ACP7: variants seen among roughly 807,000 people sequenced by gnomAD.
ACP7 encodes the protein acid phosphatase 7, tartrate resistant (putative).
ACP7 carries 58 observed loss-of-function variants against 60.6 expected under a neutral mutation model. That is an observed-to-expected ratio of 0.96 (90% CI 0.77 to 1.19). The LOEUF (loss-of-function observed/expected upper bound fraction) is 1.19, where lower values mean the gene tolerates loss of function less well. Ranked by LOEUF, ACP7 falls within the 50% of genes most tolerant of loss-of-function variation. The pLI is 0.00. For missense variants in ACP7, 574 were observed against 596.2 expected (o/e 0.96, Z 0.39); for synonymous variants, 237 against 232.6 (o/e 1.02, Z -0.17).
chr19:39,089,272 T>G (rs1401551804), intron 2 of ACP7, among the ~76,000 whole-genome samples: 1 of 152,122 alleles, frequency 6.6e-6, no homozygotes, highest in Non-Finnish European at 1.5e-5. Context: ...TTCACCATGT[T>G]GGGCAGGTTG....
At chr19:39,094,671 T>G (rs1279368196) in intron 2 of ACP7, among the ~76,000 whole-genome samples, 1 of 149,024 alleles carries the variant, frequency 6.7e-6, no homozygotes, top group East Asian at 2.0e-4. Flanking sequence ...AAAAAAAAAA[T>G]TAAAAATCAA....
intron 11 of ACP7, among the ~76,000 whole-genome samples, chr19:39,102,767 C>CTTTCTT (rs754172891): frequency 0.063 from 6,395 of 100,714 alleles, 229 homozygotes; most frequent in African/African-American, 0.077. Flanking sequence ...TTCTTTCTTT[C>CTTTCTT]TCTCTCTCTC....
rs937948434 is a variant in ACP7 at position 39,110,918 on chromosome 19, A to G, written c.*800A>G. On this transcript the variant is annotated 3_prime_UTR_variant, in exon 13 of 13. Transcript: ENST00000331256. ...AGATCTCGGCCCTCACAGAGCTGAC[A>G]TCCTAACCAGAGAGTTGGACAAAAA... 3.3e-5 allele frequency: 5 copies of G among 152,250 alleles called. No homozygotes were observed. The highest frequency in any genetic ancestry group is 1.3e-4 in the Admixed American group (2 of 15,276). 9.4% of individuals were successfully genotyped at this position (152,250 alleles called of 1,614,324 possible).
intron 2 of ACP7, among the ~76,000 whole-genome samples, chr19:39,094,205 A>G (rs2073240631): frequency 6.6e-6 from 1 of 152,110 alleles, no homozygotes; most frequent in African/African-American, 2.4e-5. Context: ...ACCACTGTGT[A>G]AAGATATGTT....
chr19:39,110,301 G>T lies in ACP7; in HGVS notation c.*183G>T. On this transcript the variant is annotated 3_prime_UTR_variant, in exon 13 of 13. Coordinates refer to ENST00000331256, the MANE Select transcript of ACP7 (RefSeq NM_001004318.3). ...GCTGTTCCCTCCTGGAGAGGTGGGA[G>T]TCCTGGCTGGCTGTGGAGGGAGGGC... The T allele has an allele frequency of 1.6e-6, 1 of 614,808 alleles. No individual in the cohort carries two copies. Among genetic ancestry groups the T allele is most frequent in the Non-Finnish European group, 2.8e-6 (1 of 351,206 alleles). 38.1% of individuals were successfully genotyped at this position (614,808 alleles called of 1,614,324 possible).
intron 5 of ACP7, 105 bp downstream of exon 5, chr19:39,100,455 G>T: frequency 3.1e-6 from 5 of 1,601,024 alleles, no homozygotes; most frequent in Non-Finnish European, 4.3e-6. Flanking sequence ...CATTTCAATT[G>T]TGGTAGCAAG....
rs748631668 is a variant in ACP7 at position 39,101,275 on chromosome 19, T to A, written c.974-13T>A. 6.2e-7 allele frequency: 1 copy of A among 1,614,222 alleles called. No homozygotes were observed. Among genetic ancestry groups the A allele is most frequent in the South Asian group, 1.1e-5 (1 of 91,088 alleles). ...CCAATTCAGAGGTCTGATCCCCGCT[T>A]GCTCTATCTCAGGAGTGGATCTGCA... On this transcript the variant is annotated splice_polypyrimidine_tract_variant and intron_variant, in intron 9 of 12. Transcript: ENST00000331256.
chr19:39,093,060 G>A (rs1176053442), intron 2 of ACP7, among the ~76,000 whole-genome samples: 1 of 151,758 alleles, frequency 6.6e-6, no homozygotes, highest in Non-Finnish European at 1.5e-5. Flanking sequence ...TTACAGGCGT[G>A]AGCCACCGCG....
Position 39,110,219 on chromosome 19 carries a change from TC to T in ACP7, c.*105del. The stretch of plus-strand genomic sequence containing the variant: ...GGTGGGGAGTTGGGTGGGCCCTGAC[TC>T]CCCTGCCCTCCAGAGGCCCCATGTA... On this transcript the variant is annotated 3_prime_UTR_variant, in exon 13 of 13. Transcript: ENST00000331256. 1 of 1,105,544 alleles carries T rather than the reference TC, an allele frequency of 9.0e-7. No homozygotes were observed. Among genetic ancestry groups the T allele is most frequent in the Admixed American group, 2.0e-5 (1 of 51,280 alleles). 68.5% of individuals were successfully genotyped at this position (1,105,544 alleles called of 1,614,324 possible). A position where few individuals can be genotyped will look rare whatever the true frequency, so the allele number is the denominator to read the frequency against.
In ACP7 at chr19:39,098,458, G is replaced by A. The variant is rs779274278; in HGVS notation, c.122G>A (p.Gly41Asp). 6.5e-7 allele frequency: 1 copy of A among 1,544,540 alleles called. No individual in the cohort carries two copies. Among genetic ancestry groups the A allele is most frequent in the Non-Finnish European group, 8.7e-7 (1 of 1,147,402 alleles). Residue 41 changes from glycine to aspartate, a missense_variant and splice_region_variant, in exon 3 of 13, where the codon GGT (glycine) becomes GAT (aspartate). By Grantham distance (94) the Gly-to-Asp change is moderately conservative. Coordinates refer to ENST00000331256, the MANE Select transcript of ACP7 (RefSeq NM_001004318.3). ...CTACCCTCTGTCCCTTTCTCCCCAG[G>A]TGAGCCAGGCTCCATGACTGTAACT... ...APEQVHLSYP[G>D]EPGSMTVTWT...
chr19:39,093,546 G>A (rs987776906), intron 2 of ACP7, among the ~76,000 whole-genome samples: 17 of 151,740 alleles, frequency 1.1e-4, no homozygotes, highest in East Asian at 9.7e-4. Context: ...GAGCCATCGC[G>A]CCCAGCTAAT....
At chr19:39,102,715 T>TTTCTTTCTC (rs1555769414) in intron 11 of ACP7, among the ~76,000 whole-genome samples, 1 of 118,616 alleles carries the variant, frequency 8.4e-6, no homozygotes, top group African/African-American at 3.3e-5. Flanking sequence ...CAATGAAGAC[T>TTTCTTTCTC]TTTCTTTCTT....
Position 39,110,065 on chromosome 19 carries a change from G to A in ACP7, c.1264G>A (p.Val422Ile), listed in dbSNP as rs370709303. Residue 422 changes from valine (V) to isoleucine (I), a missense_variant, in exon 13 of 13, where the codon GTA becomes ATA. Val to Ile is a conservative substitution (Grantham distance 29). Coordinates refer to ENST00000331256, the MANE Select transcript of ACP7 (RefSeq NM_001004318.3). ...QVSDDQDGKI[V>I]DDVWVVRPLF... ...TTGTCCCTCACAGGATGGGAAGATC[G>A]TAGATGATGTCTGGGTGGTGAGACC... is the stretch of plus-strand genomic sequence containing the variant. 1.9e-4 allele frequency: 306 copies of A among 1,613,774 alleles called. No homozygotes were observed. The highest frequency in any genetic ancestry group is 5.8e-4 in the Admixed American group (35 of 60,006).
At chr19:39,090,036 T>G (rs1379644108) in intron 2 of ACP7, among the ~76,000 whole-genome samples, 1 of 152,222 alleles carries the variant, frequency 6.6e-6, no homozygotes, top group Non-Finnish European at 1.5e-5. Flanking sequence ...CTCACTAATT[T>G]TAGCATCTTG....
At chr19:39,106,907 C>T (rs776360567) in intron 11 of ACP7, 40 bp from the exon 12 acceptor site, 81 of 1,608,762 alleles carry the variant, frequency 5.0e-5, no homozygotes, top group Admixed American at 6.7e-5. Flanking sequence ...CCCGCGGGTC[C>T]TCCACCTGCT....
upstream of ACP7, among the ~76,000 whole-genome samples, chr19:39,084,132 G>C (rs1213938809): frequency 6.6e-6 from 1 of 152,112 alleles, no homozygotes; most frequent in Admixed American, 6.5e-5. Flanking sequence ...TGGCGCGCCG[G>C]AGACGTATCA....
rs76638389 is a variant in ACP7, at chr19:39,103,271, T to C, written c.1113+1734T>C. Among the ~76,000 whole-genome samples the C allele has an allele frequency of 1.9e-3, 282 of 152,286 alleles. 4 individuals carry two copies. The highest frequency in any genetic ancestry group is 0.013 in the East Asian group (66 of 5,182). ...TTGGTTAATTGTTTATTTATGTCCG[T>C]GTGAACTCATGGGTAATTTATTTTA... On this transcript the variant is annotated intron_variant, in intron 11 of 12. Coordinates refer to ENST00000331256, the MANE Select transcript of ACP7 (RefSeq NM_001004318.3).
intron 2 of ACP7, 123 bp downstream of exon 2, chr19:39,085,513 C>T: frequency 1.6e-6 from 2 of 1,279,268 alleles, no homozygotes; most frequent in Non-Finnish European, 1.1e-6. Context: ...TCCTGAGCCT[C>T]CATCATCCAC....
At chr19:39,098,363 T>C (rs563873) in intron 2 of ACP7, 95 bp from the exon 3 acceptor site, 184,962 of 906,730 alleles carry the variant, frequency 0.2, 19,435 homozygotes, top group Non-Finnish European at 0.21. Flanking sequence ...CCACTAACTG[T>C]TCAACAGTGG....
Sources: allele counts gnomAD v4.1 joint callset (sites outside exome capture counted in the v4.1 genomes callset), GRCh38; gene constraint gnomAD v4.1.1; transcripts MANE v1.5; gene names NCBI Gene and HGNC (gene_info 2026-07-23, HGNC 2026-07-21).